Variants in POU2F1 observed in about 807,000 individuals in gnomAD.
POU2F1 encodes the protein POU class 2 homeobox 1, also known as POU domain, class 2, transcription factor 1.
In POU2F1, 16 loss-of-function variants were observed where a neutral mutation model predicts 84.9. The ratio of observed to expected loss-of-function variants is 0.19; its 90% CI spans 0.13 to 0.29. The LOEUF is 0.29. Ranked by LOEUF, POU2F1 falls within the 10% of genes least tolerant of loss-of-function variation. The pLI is 1.00. For missense variants in POU2F1, 738 were observed against 942.6 expected (o/e 0.78, Z 2.84); for synonymous variants, 368 against 368.3 (o/e 1.00, Z 0.01).
At position 167,416,887 on chromosome 1, in the gene POU2F1, C is replaced by T. The variant is rs933065803; in HGVS notation, c.*1077C>T. ...AGCAAAGACTACTGCAGACACCTGA[C>T]TTGGTGGTTCTCCTGATTTCTTATC... is the stretch of plus-strand genomic sequence containing the variant. On this transcript the variant is annotated 3_prime_UTR_variant, in exon 16 of 16. Coordinates refer to ENST00000367866, the MANE Select transcript of POU2F1 (RefSeq NM_002697.4). 2.0e-5 allele frequency: 3 copies of T among 152,168 alleles called. No homozygotes were observed. The highest frequency in any genetic ancestry group is 2.9e-5 in the Non-Finnish European group (2 of 68,036). 9.4% of individuals were successfully genotyped at this position (152,168 alleles called of 1,614,324 possible).
intron 1 of POU2F1, among the ~76,000 whole-genome samples, chr1:167,306,975 GT>G (rs1219834660): frequency 6.6e-6 from 1 of 152,192 alleles, no homozygotes; most frequent in Admixed American, 6.5e-5. Flanking sequence ...TGTCTCGTAA[GT>G]AGGAAAGTTT....
At chr1:167,301,029 C>CA (rs763738817) in intron 1 of POU2F1, among the ~76,000 whole-genome samples, 8 of 152,192 alleles carry the variant, frequency 5.3e-5, no homozygotes, top group Non-Finnish European at 1.0e-4. Flanking sequence ...CTTGGCCTCC[C>CA]AAAGTGCTGA....
chr1:167,408,515 A>G (rs147836142), intron 13 of POU2F1, among the ~76,000 whole-genome samples: 2 of 152,356 alleles, frequency 1.3e-5, no homozygotes, highest in African/African-American at 4.8e-5. Context: ...ACAGTGGAAT[A>G]TTATTCAGCC....
chr1:167,315,751 C>G (rs1050286491), intron 1 of POU2F1, among the ~76,000 whole-genome samples: 1 of 150,928 alleles, frequency 6.6e-6, no homozygotes, highest in South Asian at 2.1e-4. Context: ...CTGCAGTGAG[C>G]TATGATTATA....
intron 13 of POU2F1, among the ~76,000 whole-genome samples, chr1:167,405,646 C>A (rs534907942): frequency 6.6e-6 from 1 of 152,108 alleles, no homozygotes; most frequent in Non-Finnish European, 1.5e-5. Context: ...TGAGATTGTA[C>A]CACTGAACTC....
At chr1:167,269,209 A>C (rs1419178728) in intron 1 of POU2F1, among the ~76,000 whole-genome samples, 2 of 152,248 alleles carry the variant, frequency 1.3e-5, no homozygotes, top group African/African-American at 2.4e-5. Context: ...CAAACTTAAA[A>C]TGTGAGAAAT....
At chr1:167,414,326 T>A (rs1650165278) in intron 15 of POU2F1, 3 of 985,244 alleles carry the variant, frequency 3.0e-6, no homozygotes, top group African/African-American at 1.7e-5. Flanking sequence ...CAAAATGTCT[T>A]CCCTAGGGCA....
At chr1:167,254,070 G>C (rs1650950711) in intron 1 of POU2F1, among the ~76,000 whole-genome samples, 1 of 152,146 alleles carries the variant, frequency 6.6e-6, no homozygotes, top group Non-Finnish European at 1.5e-5. Context: ...ATTATATGGT[G>C]AATTAAATTG....
intron 1 of POU2F1, among the ~76,000 whole-genome samples, chr1:167,314,870 G>C (rs113798091): frequency 6.6e-6 from 1 of 152,036 alleles, no homozygotes; most frequent in African/African-American, 2.4e-5. Context: ...CCCCAGTGTC[G>C]GAGGTGGGGC....
Position 167,412,139 on chromosome 1 carries a change from C to T in POU2F1, c.1736C>T (p.Pro579Leu), listed in dbSNP as rs777902077. ...ACCACCTCCACTCCTTTGTCCTCCCCTCTTGGGACCAGCCAGGTGATGGTG... is the reference window on the plus strand; with the variant it reads ...ACCACCTCCACTCCTTTGTCCTCCCTTCTTGGGACCAGCCAGGTGATGGTG... ...TQTTSTPLSS[P>L]LGTSQVMVTA... Residue 579 changes from proline to leucine, a missense_variant, in exon 14 of 16, where the codon CCT (proline) becomes CTT (leucine). Transcript: ENST00000367866. 2.2e-5 allele frequency: 36 copies of T among 1,614,108 alleles called. No homozygotes were observed. The East Asian group carries it at 6.2e-4, about 28-fold the overall frequency.
intron 1 of POU2F1, among the ~76,000 whole-genome samples, chr1:167,277,831 C>G (rs933784907): frequency 6.6e-6 from 1 of 152,164 alleles, no homozygotes; most frequent in Non-Finnish European, 1.5e-5. Context: ...CTAATACCCC[C>G]TCTCCCTCAC....
intron 1 of POU2F1, among the ~76,000 whole-genome samples, chr1:167,290,075 C>G (rs1045099346): frequency 5.7e-4 from 87 of 152,118 alleles, no homozygotes; most frequent in African/African-American, 2.0e-3. Context: ...TACAGGATTC[C>G]TACATAAATA....
At chr1:167,355,519 C>T (rs1043871552) in intron 2 of POU2F1, among the ~76,000 whole-genome samples, 1 of 152,136 alleles carries the variant, frequency 6.6e-6, no homozygotes, top group Non-Finnish European at 1.5e-5. Context: ...TTAAGTTCTA[C>T]CCCTCTGCTC....
At chr1:167,353,734 A>AT (rs1171416789) in intron 2 of POU2F1, among the ~76,000 whole-genome samples, 1 of 152,036 alleles carries the variant, frequency 6.6e-6, no homozygotes, top group Non-Finnish European at 1.5e-5. Context: ...TTCTTTTACG[A>AT]TTTTATGCAA....
chr1:167,242,051 T>C (rs529202657), intron 1 of POU2F1, among the ~76,000 whole-genome samples: 3 of 152,356 alleles, frequency 2.0e-5, no homozygotes, highest in South Asian at 4.1e-4. Flanking sequence ...TGCTTTGTTA[T>C]TGCCAATTGC....
Position 167,424,457 on chromosome 1 carries a change from G to C in POU2F1, c.*8647G>C, listed in dbSNP as rs1367893475. ...TTCCATCCCCTCATCTGTGGTAGTAGTGAAGGCTAGGTGAGTAAGCGTGGG... is the reference window on the plus strand; with the variant it reads ...TTCCATCCCCTCATCTGTGGTAGTACTGAAGGCTAGGTGAGTAAGCGTGGG... On this transcript the variant is annotated 3_prime_UTR_variant, in exon 16 of 16. Transcript: ENST00000367866. The C allele has an allele frequency of 6.6e-6, 1 of 152,304 alleles. No individual in the cohort carries two copies. Among genetic ancestry groups the C allele is most frequent in the Non-Finnish European group, 1.5e-5 (1 of 68,100 alleles). The allele number at this position is 152,304 out of a possible 1,614,324, so 9.4% of individuals were successfully genotyped here.
chr1:167,322,695 G>A (rs1656407367), intron 1 of POU2F1, among the ~76,000 whole-genome samples: 1 of 152,212 alleles, frequency 6.6e-6, no homozygotes, highest in Non-Finnish European at 1.5e-5. Context: ...TGCAGAGTGG[G>A]AATCAGGGCT....
At chr1:167,300,053 T>C (rs974385340) in intron 1 of POU2F1, among the ~76,000 whole-genome samples, 46 of 152,282 alleles carry the variant, frequency 3.0e-4, no homozygotes, top group African/African-American at 1.1e-3. Flanking sequence ...GAAAGTGTGG[T>C]ACACAGATAC....
intron 9 of POU2F1, among the ~76,000 whole-genome samples, chr1:167,394,296 C>T (rs946927351): frequency 6.6e-6 from 1 of 152,116 alleles, no homozygotes; most frequent in Non-Finnish European, 1.5e-5. Flanking sequence ...GCTGGGATTA[C>T]AGTTGTGAGC....
Sources: gnomAD v4.1 joint callset for allele counts (sites outside exome capture counted in the v4.1 genomes callset) on GRCh38, gnomAD v4.1.1 for gene constraint, MANE v1.5 for transcripts, NCBI Gene and HGNC (gene_info 2026-07-23, HGNC 2026-07-21) for gene names.